SRGAP3: variants seen among roughly 807,000 people sequenced by gnomAD.
SRGAP3 encodes the protein SLIT-ROBO Rho GTPase-activating protein 3.
In SRGAP3, 39 loss-of-function variants were observed where a neutral mutation model predicts 121.1. The observed-to-expected ratio is 0.32, with a 90% CI of 0.25 to 0.42. The LOEUF (loss-of-function observed/expected upper bound fraction) is 0.42. SRGAP3 is among the 10% of genes least tolerant of loss of function. The pLI is 1.00. For synonymous variants in SRGAP3, 601 were observed against 570.0 expected (o/e 1.05, Z -0.77); for missense variants, 1,213 against 1,470.6 (o/e 0.82, Z 2.86).
chr3:9,030,962 T>C (rs912112215), intron 12 of SRGAP3, among the ~76,000 whole-genome samples: 1 of 151,958 alleles, frequency 6.6e-6, no homozygotes, highest in Non-Finnish European at 1.5e-5. Context: ...TTTTTTTTGT[T>C]GTTTATTTTT....
At chr3:8,995,225 A>G (rs1490947868) in intron 18 of SRGAP3, among the ~76,000 whole-genome samples, 5 of 151,968 alleles carry the variant, frequency 3.3e-5, no homozygotes, top group African/African-American at 1.2e-4. Context: ...TAAGCCCAAC[A>G]CTTCGGGAGG....
chr3:9,227,508 G>C (rs1381060641), intron 1 of SRGAP3, among the ~76,000 whole-genome samples: 3 of 152,196 alleles, frequency 2.0e-5, no homozygotes, highest in African/African-American at 7.2e-5. Context: ...AGAGAGGGGA[G>C]ATGCCTTGCC....
At chr3:9,315,960 T>C (rs759807683) in intron 3 of SRGAP3, among the ~76,000 whole-genome samples, 18 of 152,244 alleles carry the variant, frequency 1.2e-4, no homozygotes, top group Admixed American at 4.6e-4. Flanking sequence ...TCTTTGGCAA[T>C]GTAATTTTGC....
intron 14 of SRGAP3, among the ~76,000 whole-genome samples, chr3:9,023,165 G>A (rs148022722): frequency 2.0e-5 from 3 of 152,326 alleles, no homozygotes; most frequent in East Asian, 3.9e-4. Context: ...GTTTGCCCAC[G>A]AGATTCAAGG....
chr3:9,231,162 G>A (rs2125220357), intron 1 of SRGAP3, among the ~76,000 whole-genome samples: 1 of 152,328 alleles, frequency 6.6e-6, no homozygotes, highest in South Asian at 2.1e-4. Flanking sequence ...GTCTGGGGTG[G>A]AAGCCAAAAA....
chr3:9,291,022 T>C (rs1954860136), intron 3 of SRGAP3, among the ~76,000 whole-genome samples: 1 of 152,118 alleles, frequency 6.6e-6, no homozygotes, highest in African/African-American at 2.4e-5. Context: ...AAGAGAGGCA[T>C]TGCCTTGGAG....
chr3:9,123,392 TACACAATACACATACATACAC>T (rs1949092333), intron 2 of SRGAP3, among the ~76,000 whole-genome samples: 1 of 11,128 alleles, frequency 9.0e-5, no homozygotes, highest in African/African-American at 3.1e-4. Context: ...TATATATACA[TACACAATACACATACATACAC>T]ATACATGGAG....
intron 3 of SRGAP3, among the ~76,000 whole-genome samples, chr3:9,262,911 A>G (rs1954284099): frequency 6.6e-6 from 1 of 152,222 alleles, no homozygotes; most frequent in Non-Finnish European, 1.5e-5. Flanking sequence ...AAATCAACAG[A>G]GTATACATTC....
chr3:9,282,530 G>A (rs976684953), intron 3 of SRGAP3, among the ~76,000 whole-genome samples: 5 of 151,812 alleles, frequency 3.3e-5, no homozygotes, highest in South Asian at 4.2e-4. Flanking sequence ...TTACTCTGTC[G>A]CCCAGGCTGG....
At chr3:9,184,565 A>C (rs1951536668) in intron 1 of SRGAP3, among the ~76,000 whole-genome samples, 1 of 152,162 alleles carries the variant, frequency 6.6e-6, no homozygotes, top group African/African-American at 2.4e-5. Flanking sequence ...GGGTGTTGTT[A>C]ATGTCATTAT....
chr3:9,161,459 G>A (rs1950596206), intron 1 of SRGAP3, among the ~76,000 whole-genome samples: 1 of 152,198 alleles, frequency 6.6e-6, no homozygotes, highest in African/African-American at 2.4e-5. Flanking sequence ...TCTTCACATT[G>A]CCTCTAAGCT....
intron 3 of SRGAP3, among the ~76,000 whole-genome samples, chr3:9,268,493 C>T (rs1418816719): frequency 6.6e-6 from 1 of 152,094 alleles, no homozygotes; most frequent in African/African-American, 2.4e-5. Context: ...GCTGTTTAAG[C>T]CACCCAGTCT....
intron 2 of SRGAP3, among the ~76,000 whole-genome samples, chr3:9,327,511 CA>C (rs1955539820): frequency 6.6e-6 from 1 of 152,202 alleles, no homozygotes; most frequent in South Asian, 2.1e-4. Context: ...TCAGTAGTCT[CA>C]ACTACATATT....
intron 1 of SRGAP3, among the ~76,000 whole-genome samples, chr3:9,179,504 G>A (rs1951300550): frequency 6.6e-6 from 1 of 152,206 alleles, no homozygotes; most frequent in Non-Finnish European, 1.5e-5. Flanking sequence ...TGCTGATGTT[G>A]AAAATGTCAT....
At chr3:9,158,155 T>C (rs183616236) in intron 1 of SRGAP3, among the ~76,000 whole-genome samples, 7 of 152,280 alleles carry the variant, frequency 4.6e-5, no homozygotes, top group Non-Finnish European at 7.4e-5. Flanking sequence ...CCTACTGAGG[T>C]AGGACCATGT....
rs546758361 is a variant in SRGAP3, at chr3:9,306,975, CTTT to C, written n.442+19032_442+19034del. Among the ~76,000 whole-genome samples the C allele has an allele frequency of 3.9e-5, 6 of 152,024 alleles. No homozygotes were observed. The East Asian group carries it at 1.2e-3, about 29-fold the overall frequency. ...CACGGCTCTTTACACACTTGTATGA[CTTT>C]TTTTTCTTTTTTGAGATAGGGTCTT... On this transcript the variant is annotated intron_variant and non_coding_transcript_variant, in intron 3 of 3. Coordinates refer to the SRGAP3 transcript ENST00000490889.
chr3:9,192,743 A>T (rs1951792898), intron 1 of SRGAP3: 1 of 152,014 alleles, frequency 6.6e-6, no homozygotes, highest in Non-Finnish European at 1.5e-5. Flanking sequence ...TAGTTTTGGG[A>T]CCCCCATCAC....
chr3:9,338,392 G>C (rs1209013264), intron 1 of SRGAP3, among the ~76,000 whole-genome samples: 1 of 152,176 alleles, frequency 6.6e-6, no homozygotes, highest in Non-Finnish European at 1.5e-5. Flanking sequence ...GTTCGGTTTA[G>C]AATCATGGTA....
chr3:8,981,147 A>G lies in SRGAP3; in HGVS notation c.*4372T>C, dbSNP rs1941400326. 2 of 232,974 alleles carry G rather than the reference A, an allele frequency of 8.6e-6. No homozygotes were observed. Among genetic ancestry groups the G allele is most frequent in the Non-Finnish European group, 1.7e-5 (2 of 117,968 alleles). 14.4% of individuals were successfully genotyped at this position (232,974 alleles called of 1,614,324 possible). On this transcript the variant is annotated 3_prime_UTR_variant, in exon 22 of 22. Coordinates refer to ENST00000383836, the MANE Select transcript of SRGAP3 (RefSeq NM_014850.4). ...TCAGGAGGGCTTGGACCTGACAGCA[A>G]AGTCCCTTCTCTCGGCTCCCCTGGG...
Sources: allele counts gnomAD v4.1 joint callset (sites outside exome capture counted in the v4.1 genomes callset), GRCh38; gene constraint gnomAD v4.1.1; transcripts MANE v1.5; gene names NCBI Gene and HGNC (gene_info 2026-07-23, HGNC 2026-07-21).